The following EYS variants were observed in gnomAD, a reference collection of about 807,000 sequenced individuals.
EYS encodes EGF-like photoreceptor maintenance factor.
In EYS, 250 loss-of-function variants were observed where a neutral mutation model predicts 282.1. The observed-to-expected ratio is 0.89, with a 90% CI of 0.80 to 0.98. The LOEUF is 0.98. Among genes scored for constraint, EYS ranks in the 50% least tolerant of loss-of-function variants. The pLI, the probability that EYS is intolerant of heterozygous loss-of-function variation, is 0.00. For missense variants in EYS, 4,016 were observed against 3,709.0 expected, an observed-to-expected ratio of 1.08 and a Z score of -2.15; for synonymous variants, 1,355 against 1,282.9, an observed-to-expected ratio of 1.06 and a Z score of -1.20.
chr6:64,928,603 C>T (rs1328713366), intron 15 of EYS, among the ~76,000 whole-genome samples: 7 of 152,038 alleles, frequency 4.6e-5, no homozygotes, highest in Non-Finnish European at 1.0e-4. Context: ...TTAAATTTTA[C>T]AGTTTCTAGT....
At chr6:63,936,898 A>G (rs1484787533) in intron 35 of EYS, among the ~76,000 whole-genome samples, 1 of 152,256 alleles carries the variant, frequency 6.6e-6, no homozygotes. Flanking sequence ...CTAGGAAATT[A>G]TAACATGTCA....
At chr6:63,752,562 G>A (rs938058856) in intron 41 of EYS, among the ~76,000 whole-genome samples, 1 of 146,396 alleles carries the variant, frequency 6.8e-6, no homozygotes, top group South Asian at 2.1e-4. Flanking sequence ...GCGCAATCTC[G>A]GCTCACTGCA....
At chr6:65,255,849 C>G (rs1767446032) in intron 12 of EYS, among the ~76,000 whole-genome samples, 2 of 151,968 alleles carry the variant, frequency 1.3e-5, no homozygotes, top group African/African-American at 2.4e-5. Flanking sequence ...CAGGCAATAA[C>G]AAATGCTGAT....
At chr6:64,875,304 A>G (rs1395988736) in intron 19 of EYS, among the ~76,000 whole-genome samples, 4 of 152,086 alleles carry the variant, frequency 2.6e-5, no homozygotes, top group African/African-American at 9.7e-5. Flanking sequence ...TGTGCTCTTC[A>G]TAATAACTTT....
intron 2 of EYS, among the ~76,000 whole-genome samples, chr6:65,634,005 A>G (rs931977139): frequency 6.6e-6 from 1 of 152,248 alleles, no homozygotes; most frequent in Non-Finnish European, 1.5e-5. Context: ...TCTTGCAGCT[A>G]TTCTTTCAGA....
chr6:64,970,834 C>T (rs777668539), intron 14 of EYS, among the ~76,000 whole-genome samples: 11 of 151,986 alleles, frequency 7.2e-5, no homozygotes, highest in Non-Finnish European at 1.2e-4. Flanking sequence ...GCAGTTGCTG[C>T]CATTTTGAGA....
At chr6:65,683,388 A>T (rs1768900321) in intron 1 of EYS, among the ~76,000 whole-genome samples, 1 of 150,136 alleles carries the variant, frequency 6.7e-6, no homozygotes, top group Non-Finnish European at 1.5e-5. Flanking sequence ...CTTTTGTTTC[A>T]GTGGTGTTGA....
At chr6:64,827,085 C>T (rs537255643) in intron 19 of EYS, among the ~76,000 whole-genome samples, 9 of 151,906 alleles carry the variant, frequency 5.9e-5, no homozygotes, top group African/African-American at 1.9e-4. Flanking sequence ...AGAAATAGGA[C>T]TGACAAGCTA....
At chr6:63,903,376 A>G (rs1241025865) in intron 35 of EYS, among the ~76,000 whole-genome samples, 2 of 152,190 alleles carry the variant, frequency 1.3e-5, no homozygotes, top group African/African-American at 4.8e-5. Context: ...AAGGAAAGGA[A>G]TGAGTTAGAC....
At position 64,176,529 on chromosome 6, in the gene EYS, G is replaced by A. The variant is rs9451013; in HGVS notation, c.6424+54063C>T. On this transcript the variant is annotated intron_variant, in intron 31 of 42. Transcript: ENST00000503581. ...TGTGTGTGTGTGTGTGTGTGTGTTT[G>A]TGTATGTACCAAATACGCGTGAAGT... Among the ~76,000 whole-genome samples the A allele has an allele frequency of 4.1e-3, 627 of 151,610 alleles. 5 individuals carry two copies. The highest frequency in any genetic ancestry group is 0.015 in the African/African-American group (603 of 41,384).
chr6:64,542,447 C>G (rs1764718497), intron 26 of EYS, among the ~76,000 whole-genome samples: 1 of 152,028 alleles, frequency 6.6e-6, no homozygotes, highest in South Asian at 2.1e-4. Context: ...GACAAGAACT[C>G]TAGCATTTAC....
intron 22 of EYS, among the ~76,000 whole-genome samples, chr6:64,756,089 G>C (rs975349697): frequency 3.3e-5 from 5 of 152,024 alleles, no homozygotes; most frequent in African/African-American, 9.7e-5. Flanking sequence ...ACAGATATGA[G>C]TATATTCTAT....
At chr6:65,016,955 G>T (rs1772076388) in intron 13 of EYS, among the ~76,000 whole-genome samples, 2 of 152,172 alleles carry the variant, frequency 1.3e-5, no homozygotes, top group Non-Finnish European at 2.9e-5. Context: ...TTAAGTGGTA[G>T]ATATTTTGTG....
chr6:65,389,980 G>A (rs1172863021), intron 7 of EYS, among the ~76,000 whole-genome samples: 1 of 151,934 alleles, frequency 6.6e-6, no homozygotes, highest in Non-Finnish European at 1.5e-5. Context: ...TATAATTGGA[G>A]GTCCTGTTGC....
At chr6:64,523,079 T>C (rs990700193) in intron 26 of EYS, among the ~76,000 whole-genome samples, 1 of 151,610 alleles carries the variant, frequency 6.6e-6, no homozygotes, top group African/African-American at 2.4e-5. Flanking sequence ...GGTGAAATCA[T>C]TAACAGTTTT....
chr6:65,452,333 T>C (rs1430687331), intron 5 of EYS, among the ~76,000 whole-genome samples: 1 of 151,858 alleles, frequency 6.6e-6, no homozygotes, highest in Non-Finnish European at 1.5e-5. Flanking sequence ...GAAAGATTTT[T>C]TTTTTTACAA....
intron 2 of EYS, among the ~76,000 whole-genome samples, chr6:65,595,966 C>A: frequency 6.6e-6 from 1 of 152,024 alleles, no homozygotes; most frequent in Non-Finnish European, 1.5e-5. Context: ...TCTTCAACCC[C>A]CTATCTCAGT....
At chr6:65,329,639 T>A in intron 11 of EYS, 1 of 982,148 alleles carries the variant, frequency 1.0e-6, no homozygotes, top group Non-Finnish European at 1.2e-6. Context: ...GTTTGCATAG[T>A]ATAGCCAAAA....
At chr6:64,140,618 A>G (rs1292095959) in intron 31 of EYS, among the ~76,000 whole-genome samples, 1 of 152,168 alleles carries the variant, frequency 6.6e-6, no homozygotes, top group Non-Finnish European at 1.5e-5. Context: ...CCCCAGCTTC[A>G]TTCCTGTATC....
Sources: allele counts gnomAD v4.1 joint callset (sites outside exome capture counted in the v4.1 genomes callset), GRCh38; gene constraint gnomAD v4.1.1; transcripts MANE v1.5; gene names NCBI Gene and HGNC (gene_info 2026-07-23, HGNC 2026-07-21).